CCAR1: variants seen among roughly 807,000 people sequenced by gnomAD.
CCAR1 encodes cell division cycle and apoptosis regulator protein 1.
CCAR1 carries 78 observed loss-of-function variants against 163.8 expected under a neutral mutation model. The observed-to-expected ratio is 0.48, with a 90% CI of 0.40 to 0.57. CCAR1 has a LOEUF of 0.57. Ranked by LOEUF, CCAR1 falls within the 20% of genes least tolerant of loss-of-function variation. The pLI is 0.00. For synonymous variants in CCAR1, 443 were observed against 460.7 expected (o/e 0.96, Z 0.49); for missense variants, 1,019 against 1,365.2 (o/e 0.75, Z 4.00).
intron 4 of CCAR1, 134 bp downstream of exon 4, chr10:68,738,023 ATAGG>A (rs938987273): frequency 1.2e-5 from 7 of 585,736 alleles, no homozygotes; most frequent in Non-Finnish European, 1.8e-5. Context: ...GCTAGAGTAA[ATAGG>A]TAGGAAAAAA....
chr10:68,732,410 C>T (rs2056052848), intron 2 of CCAR1, among the ~76,000 whole-genome samples: 4 of 151,972 alleles, frequency 2.6e-5, no homozygotes, highest in African/African-American at 4.8e-5. Context: ...AGTGCAGTGG[C>T]GCCATCTCAG....
At chr10:68,766,822 G>T (rs1198324265) in intron 17 of CCAR1, among the ~76,000 whole-genome samples, 1 of 152,146 alleles carries the variant, frequency 6.6e-6, no homozygotes, top group Non-Finnish European at 1.5e-5. Flanking sequence ...ACCGTGTCTG[G>T]CCCTGAATGC....
chr10:68,790,486 A>G (rs2056840678), intron 24 of CCAR1, among the ~76,000 whole-genome samples: 1 of 152,086 alleles, frequency 6.6e-6, no homozygotes, highest in African/African-American at 2.4e-5. Context: ...CAGAGTATAA[A>G]TTTGAATTAA....
chr10:68,729,078 G>A (rs1026156478), intron 2 of CCAR1, among the ~76,000 whole-genome samples: 14 of 152,086 alleles, frequency 9.2e-5, no homozygotes, highest in African/African-American at 2.7e-4. Context: ...TATACTTAGT[G>A]TGACTGAGGA....
At chr10:68,744,058 A>G (rs1433383513) in intron 6 of CCAR1, among the ~76,000 whole-genome samples, 1 of 151,744 alleles carries the variant, frequency 6.6e-6, no homozygotes, top group Admixed American at 6.6e-5. Context: ...CAGTTTTTGT[A>G]TTTTTTAGTA....
At chr10:68,751,920 G>GTT (rs1161207615) in intron 10 of CCAR1, among the ~76,000 whole-genome samples, 88 of 128,916 alleles carry the variant, frequency 6.8e-4, no homozygotes, top group South Asian at 7.8e-4. Context: ...TTTTGTTTTT[G>GTT]TTTTTTTTTT....
At chr10:68,780,875 G>A (rs59275041) in intron 19 of CCAR1, among the ~76,000 whole-genome samples, 2,352 of 152,222 alleles carry the variant, frequency 0.015, 72 homozygotes, top group African/African-American at 0.054. Context: ...CTATCAACCT[G>A]CCATTCCCCT....
At chr10:68,730,381 A>G (rs2056020232) in intron 2 of CCAR1, among the ~76,000 whole-genome samples, 1 of 151,474 alleles carries the variant, frequency 6.6e-6, no homozygotes, top group African/African-American at 2.4e-5. Context: ...TCTGTTGCCC[A>G]GGCTGGAGTG....
At chr10:68,747,656 T>G (rs1273856695) in intron 8 of CCAR1, 90 bp downstream of exon 8, 9 of 1,233,390 alleles carry the variant, frequency 7.3e-6, no homozygotes, top group African/African-American at 1.5e-5. Flanking sequence ...GGCAGGGATT[T>G]CAAGAAAACT....
At chr10:68,786,846 A>C (rs1564554774) in intron 21 of CCAR1, 154 bp downstream of exon 21, 3 of 581,552 alleles carry the variant, frequency 5.2e-6, no homozygotes, top group Non-Finnish European at 8.5e-6. Context: ...GCAGGTTGGG[A>C]GGCTGAGGCG....
chr10:68,745,576 G>T (rs2056242334), intron 6 of CCAR1, among the ~76,000 whole-genome samples: 1 of 151,332 alleles, frequency 6.6e-6, no homozygotes, highest in Non-Finnish European at 1.5e-5. Context: ...CAATTCTCCT[G>T]CCTCAGCCTC....
rs1285463901 is a variant in CCAR1 at position 68,742,463 on chromosome 10, A to T, written c.412A>T (p.Ser138Cys). Residue 138 changes from serine (S) to cysteine (C), a missense_variant, in exon 6 of 25, where the codon AGT becomes TGT. Ser to Cys is a moderately radical substitution (Grantham distance 112, BLOSUM62 -1). This residue lies in a region of CCAR1 where 644 missense variants were observed against 904.4 expected (regional missense o/e 0.71). Coordinates refer to ENST00000265872, the MANE Select transcript of CCAR1 (RefSeq NM_018237.4). ...TGTATCATATCCAACACCAAGGTCC[A>T]GTCAACAGCAAACCCAGCCTCAGAA... is the stretch of plus-strand genomic sequence containing the variant. ...ITVSYPTPRS[S>C]QQQTQPQKQR... 1.2e-6 allele frequency: 2 copies of T among 1,614,074 alleles called. No individual in the cohort carries two copies. Among genetic ancestry groups the T allele is most frequent in the African/African-American group, 1.3e-5 (1 of 74,930 alleles).
At chr10:68,747,971 A>G (rs1298747070) in intron 8 of CCAR1, among the ~76,000 whole-genome samples, 1 of 152,046 alleles carries the variant, frequency 6.6e-6, no homozygotes, top group East Asian at 1.9e-4. Flanking sequence ...CTCCTGCCTC[A>G]GCCTCCCAAG....
chr10:68,751,002 C>G (rs1351055397), intron 10 of CCAR1, among the ~76,000 whole-genome samples: 1 of 151,442 alleles, frequency 6.6e-6, no homozygotes, highest in Admixed American at 6.6e-5. Context: ...TACTTATGGT[C>G]AAATCAGCAC....
intron 15 of CCAR1, among the ~76,000 whole-genome samples, chr10:68,760,401 T>C (rs2056454156): frequency 6.6e-6 from 1 of 152,196 alleles, no homozygotes; most frequent in African/African-American, 2.4e-5. Context: ...CCCTTCTATT[T>C]AGGATGTTTC....
rs146786986 is a variant in CCAR1, at chr10:68,773,114, T to A, written c.2650+15T>A. 6.7e-4 allele frequency: 830 copies of A among 1,231,202 alleles called. 7 individuals carry two copies. The African/African-American group carries it at 0.011, about 16-fold the overall frequency. 76.3% of individuals were successfully genotyped at this position (1,231,202 alleles called of 1,614,324 possible). Reference sequence around the variant, plus strand: ...TGAAGAAGATGGTATGATTGAAATTTATTTATTACTTCTTAGAGTTAAGAA... The same window carrying A: ...TGAAGAAGATGGTATGATTGAAATTAATTTATTACTTCTTAGAGTTAAGAA... On this transcript the variant is annotated intron_variant, in intron 19 of 24. Coordinates refer to ENST00000265872, the MANE Select transcript of CCAR1 (RefSeq NM_018237.4).
In CCAR1 at chr10:68,756,737, T is replaced by C. The variant is rs2056400628; in HGVS notation, c.1836+254T>C. 1.9e-6 allele frequency: 1 copy of C among 525,376 alleles called. No homozygotes were observed. The highest frequency in any genetic ancestry group is 3.9e-5 in the East Asian group (1 of 25,638). 32.5% of individuals were successfully genotyped at this position (525,376 alleles called of 1,614,324 possible). ...GCTTAAATTGCACAGAATTTTGTTT[T>C]TATCATAGGTCTAGTTGCTGGAATC... On this transcript the variant is annotated intron_variant, in intron 14 of 24. Transcript: ENST00000265872. The surrounding 1 kb of genome is among the most constrained non-coding windows in gnomAD (Gnocchi z 5.1).
At chr10:68,779,460 T>C (rs1473465331) in intron 19 of CCAR1, among the ~76,000 whole-genome samples, 2 of 151,848 alleles carry the variant, frequency 1.3e-5, no homozygotes, top group Non-Finnish European at 2.9e-5. Context: ...GGTTTCACCA[T>C]GTTGGCCAGG....
intron 6 of CCAR1, among the ~76,000 whole-genome samples, chr10:68,745,763 GGCAACTATT>G (rs1284856565): frequency 6.6e-6 from 1 of 151,234 alleles, no homozygotes; most frequent in Non-Finnish European, 1.5e-5. Flanking sequence ...AACAACGCCC[GGCAACTATT>G]TTTTTTTTTC....
Sources: allele counts gnomAD v4.1 joint callset (sites outside exome capture counted in the v4.1 genomes callset), GRCh38; gene constraint gnomAD v4.1.1; regional missense constraint gnomAD v4.1.1; non-coding constraint Gnocchi (gnomAD v3.1); transcripts MANE v1.5; gene names NCBI Gene and HGNC (gene_info 2026-07-23, HGNC 2026-07-21).